SUPT5H: variants seen among roughly 807,000 people sequenced by gnomAD.
The protein encoded by SUPT5H is SPT5 homolog, DSIF elongation factor subunit, also known as transcription elongation factor SPT5.
In SUPT5H, 24 loss-of-function variants were observed where a neutral mutation model predicts 142.5. That is an observed-to-expected ratio of 0.17 (90% confidence interval 0.12 to 0.24). The LOEUF is 0.24. Ranked by LOEUF, SUPT5H falls within the 10% of genes least tolerant of loss-of-function variation. SUPT5H has a pLI of 1.00. For synonymous variants in SUPT5H, 546 were observed against 553.0 expected, an observed-to-expected ratio of 0.99 and a Z score of 0.18; for missense variants, 893 against 1,471.8, an observed-to-expected ratio of 0.61 and a Z score of 6.43.
At chr19:39,449,325 A>G (rs2078991277) in intron 2 of SUPT5H, among the ~76,000 whole-genome samples, 1 of 152,130 alleles carries the variant, frequency 6.6e-6, no homozygotes, top group South Asian at 2.1e-4. Context: ...GGGACCTGTC[A>G]GAGGGGAACT....
At chr19:39,453,830 G>C (rs939310856) in intron 3 of SUPT5H, among the ~76,000 whole-genome samples, 11 of 152,198 alleles carry the variant, frequency 7.2e-5, no homozygotes, top group Non-Finnish European at 1.0e-4. Flanking sequence ...CTCCCAAAAT[G>C]CTGGGATTAC....
chr19:39,446,001 TG>T (rs1432468245), intron 2 of SUPT5H, 36 bp downstream of exon 2: 4 of 1,599,572 alleles, frequency 2.5e-6, no homozygotes, highest in African/African-American at 2.7e-5. Flanking sequence ...ACATTGCGTC[TG>T]GGGACAGGAC....
Position 39,471,667 on chromosome 19 carries a change from G to C in SUPT5H, c.1887G>C (p.Leu629=). 1 of 1,614,216 alleles carries C rather than the reference G, an allele frequency of 6.2e-7. No individual in the cohort carries two copies. Among genetic ancestry groups the C allele is most frequent in the Non-Finnish European group, 8.5e-7 (1 of 1,180,038 alleles). The change falls in exon 20 of 30, where the codon CTG becomes CTC. Residue 629 remains leucine (L), a synonymous_variant. Transcript: ENST00000432763. ...RSFAFLHCKK[L]VENGGMFVCK... is the part of the protein sequence containing the mutation. ...TCGCCTTCCTACATTGCAAGAAACT[G>C]GTGGAGAACGGGGGCATGTTTGTCT...
In SUPT5H at chr19:39,445,598, A is replaced by T; in HGVS notation, c.-127A>T. 2.4e-6 allele frequency: 1 copy of T among 420,518 alleles called. No homozygotes were observed. Among genetic ancestry groups the T allele is most frequent in the South Asian group, 2.9e-5 (1 of 33,972 alleles). The allele number at this position is 420,518 out of a possible 1,614,324, so 26.0% of individuals were successfully genotyped here. A position where few individuals can be genotyped will look rare whatever the true frequency, so the allele number is the denominator to read the frequency against. Reference sequence around the variant, plus strand: ...GTCAGCCCCAGTCAGGCGTCGTGCGAACAGCAGCTGGTACCGAAGGCGGAG... The same window carrying T: ...GTCAGCCCCAGTCAGGCGTCGTGCGTACAGCAGCTGGTACCGAAGGCGGAG... On this transcript the variant is annotated 5_prime_UTR_variant, in exon 1 of 30. Coordinates refer to ENST00000432763, the MANE Select transcript of SUPT5H (RefSeq NM_001111020.3).
At chr19:39,459,749 C>T (rs776939811) in intron 9 of SUPT5H, 143 bp from the exon 10 acceptor site, 7 of 1,273,422 alleles carry the variant, frequency 5.5e-6, no homozygotes, top group Non-Finnish European at 7.9e-6. Flanking sequence ...CTATCTCCCA[C>T]CTCCATCTTC....
intron 2 of SUPT5H, among the ~76,000 whole-genome samples, chr19:39,446,267 A>G (rs1270925485): frequency 6.6e-6 from 1 of 152,060 alleles, no homozygotes; most frequent in Non-Finnish European, 1.5e-5. Context: ...CCATAACTAT[A>G]TTTGTAGTGC....
At chr19:39,446,453 T>C (rs1256185956) in intron 2 of SUPT5H, among the ~76,000 whole-genome samples, 2 of 152,206 alleles carry the variant, frequency 1.3e-5, no homozygotes, top group African/African-American at 4.8e-5. Context: ...TCCTGGTTGC[T>C]CTTGAAATAG....
rs768007784 is a variant in SUPT5H, at chr19:39,472,795, C to T, written c.2036-15C>T. The T allele has an allele frequency of 8.1e-6, 13 of 1,607,220 alleles. No homozygotes were observed. The highest frequency in any genetic ancestry group is 1.1e-5 in the Non-Finnish European group (13 of 1,176,316). On this transcript the variant is annotated splice_polypyrimidine_tract_variant and intron_variant, in intron 21 of 29. Coordinates refer to ENST00000432763, the MANE Select transcript of SUPT5H (RefSeq NM_001111020.3). This position sits in a 1 kb window ranked among gnomAD's most constrained non-coding sequence, Gnocchi z 4.2. ...ACAGCCGTGGGGGACCAGTGACATTCTCCCCAATCCCCAGGTCAGCGTGGC... is the reference window on the plus strand; with the variant it reads ...ACAGCCGTGGGGGACCAGTGACATTTTCCCCAATCCCCAGGTCAGCGTGGC...
Position 39,469,516 on chromosome 19 carries a change from C to A in SUPT5H, c.1374+118C>A. On this transcript the variant is annotated intron_variant, in intron 16 of 29. Coordinates refer to ENST00000432763, the MANE Select transcript of SUPT5H (RefSeq NM_001111020.3). This position sits in a 1 kb window ranked among gnomAD's most constrained non-coding sequence, Gnocchi z 5.1. ...TGGTTTCCAGGAGGGTAAGTTGAGGCCCTTCTAGCATTCTCAGGTGCCTGA... is the reference window on the plus strand; with the variant it reads ...TGGTTTCCAGGAGGGTAAGTTGAGGACCTTCTAGCATTCTCAGGTGCCTGA... The A allele has an allele frequency of 1.4e-6, 2 of 1,442,150 alleles. No homozygotes were observed. Among genetic ancestry groups the A allele is most frequent in the Non-Finnish European group, 1.9e-6 (2 of 1,058,906 alleles). The allele number at this position is 1,442,150 out of a possible 1,614,324, so 89.3% of individuals were successfully genotyped here.
rs1430792356 is a variant in SUPT5H at position 39,472,256 on chromosome 19, A to C, written c.1951-153A>C. Among the ~76,000 whole-genome samples, 1 of 152,140 alleles carries C rather than the reference A, an allele frequency of 6.6e-6. No individual in the cohort carries two copies. Among genetic ancestry groups the C allele is most frequent in the Non-Finnish European group, 1.5e-5 (1 of 68,004 alleles). ...GGCCCTGAGGTGGGGCTTGTAGGAA[A>C]GTGTGCAGGACCAGCTGTCACAGAG... On this transcript the variant is annotated intron_variant, in intron 20 of 29. Transcript: ENST00000432763. The surrounding 1 kb of genome is among the most constrained non-coding windows in gnomAD (Gnocchi z 4.2).
chr19:39,465,189 G>T (rs968436211), intron 11 of SUPT5H, 140 bp downstream of exon 11: 6 of 1,282,426 alleles, frequency 4.7e-6, no homozygotes, highest in Admixed American at 2.4e-5. Context: ...TGGGTTTTGT[G>T]AGCACACAGG....
intron 28 of SUPT5H, chr19:39,475,089 G>C (rs1054026491): frequency 1.6e-5 from 5 of 306,036 alleles, no homozygotes; most frequent in Non-Finnish European, 3.1e-5. Flanking sequence ...GGAACATAAA[G>C]AGCCAAAGGG....
chr19:39,468,718 C>G (rs2079276847), intron 13 of SUPT5H, 38 bp from the exon 14 acceptor site: 264 of 1,567,336 alleles, frequency 1.7e-4, no homozygotes, highest in Non-Finnish European at 2.1e-4. Flanking sequence ...TTCTTCTTGA[C>G]TCTCCCTTCT....
chr19:39,476,662 G>T lies in SUPT5H; in HGVS notation c.*263G>T. On this transcript the variant is annotated 3_prime_UTR_variant, in exon 30 of 30. Transcript: ENST00000432763. Reference sequence around the variant, plus strand: ...GTCTTTCAATAAAAAGAAGCTGTTTGGTCTAAAAGTGCGTGTGTGTGTGTG... The same window carrying T: ...GTCTTTCAATAAAAAGAAGCTGTTTTGTCTAAAAGTGCGTGTGTGTGTGTG... 4.1e-6 allele frequency: 2 copies of T among 485,610 alleles called. No individual in the cohort carries two copies. Among genetic ancestry groups the T allele is most frequent in the Non-Finnish European group, 7.5e-6 (2 of 268,202 alleles). The allele number at this position is 485,610 out of a possible 1,614,324, so 30.1% of individuals were successfully genotyped here. A position where few individuals can be genotyped will look rare whatever the true frequency, so the allele number is the denominator to read the frequency against.
chr19:39,461,838 A>AT (rs1210492634), intron 10 of SUPT5H, among the ~76,000 whole-genome samples: 3,803 of 138,102 alleles, frequency 0.028, 78 homozygotes, highest in Middle Eastern at 0.05. Flanking sequence ...AAAAAAAAAA[A>AT]AATAATAATA....
intron 8 of SUPT5H, 27 bp downstream of exon 8, chr19:39,459,276 G>C: frequency 6.4e-7 from 1 of 1,554,516 alleles, no homozygotes; most frequent in Non-Finnish European, 8.7e-7. Flanking sequence ...GGTGGGGGCC[G>C]TGCTGGGGTG....
Position 39,458,264 on chromosome 19 carries a change from ACCAC to A in SUPT5H, c.308-28_308-25del. On this transcript the variant is annotated intron_variant, in intron 4 of 29. Transcript: ENST00000432763. This position sits in a 1 kb window ranked among gnomAD's most constrained non-coding sequence, Gnocchi z 4.2. ...CACCACCACCACCACCACCACCACC[ACCAC>A]CACCACCTCCTCTTCCTCCAAGTAG... The A allele has an allele frequency of 1.3e-6, 1 of 746,908 alleles. No individual in the cohort carries two copies. The highest frequency in any genetic ancestry group is 2.1e-6 in the Non-Finnish European group (1 of 468,320). 46.3% of individuals were successfully genotyped at this position (746,908 alleles called of 1,614,324 possible). A position where few individuals can be genotyped will look rare whatever the true frequency, so the allele number is the denominator to read the frequency against.
intron 3 of SUPT5H, among the ~76,000 whole-genome samples, chr19:39,455,577 G>A (rs1334210857): frequency 6.6e-6 from 1 of 151,528 alleles, no homozygotes; most frequent in Non-Finnish European, 1.5e-5. Context: ...ATTACATGGG[G>A]GGAACATAGT....
At chr19:39,476,670 AGTGCGTGT>A (rs2079411431), downstream of SUPT5H, 1 of 342,948 alleles carries the variant, frequency 2.9e-6, no homozygotes, top group Non-Finnish European at 4.9e-6. Context: ...TTGGTCTAAA[AGTGCGTGT>A]GTGTGTGTGT....
Sources: allele counts gnomAD v4.1 joint callset (sites outside exome capture counted in the v4.1 genomes callset), GRCh38; gene constraint gnomAD v4.1.1; non-coding constraint Gnocchi (gnomAD v3.1); transcripts MANE v1.5; gene names NCBI Gene and HGNC (gene_info 2026-07-23, HGNC 2026-07-21).